SCN2A: variants seen among roughly 807,000 people sequenced by gnomAD.
SCN2A encodes sodium channel protein type 2 subunit alpha.
SCN2A carries 20 observed loss-of-function variants against 188.7 expected under a neutral mutation model. The observed-to-expected ratio is 0.11, with a 90% CI of 0.07 to 0.15. The LOEUF (loss-of-function observed/expected upper bound fraction) is 0.15, where lower values mean the gene tolerates loss of function less well. SCN2A is among the 10% of genes least tolerant of loss of function. The pLI is 1.00. For missense variants in SCN2A, 1,278 were observed against 2,445.0 expected (o/e 0.52, Z 10.07); for synonymous variants, 804 against 833.1 (o/e 0.97, Z 0.60).
At chr2:165,311,540 C>G (rs1003485115) in intron 7 of SCN2A, among the ~76,000 whole-genome samples, 2 of 151,976 alleles carry the variant, frequency 1.3e-5, no homozygotes, top group East Asian at 1.9e-4. Context: ...GGAATAAATA[C>G]CTAATCCCAC....
At chr2:165,282,417 A>C (rs1695620587) in intron 1 of SCN2A, among the ~76,000 whole-genome samples, 1 of 151,906 alleles carries the variant, frequency 6.6e-6, no homozygotes, top group Non-Finnish European at 1.5e-5. Flanking sequence ...AATCAGGGAC[A>C]CTCATATGGC....
intron 1 of SCN2A, among the ~76,000 whole-genome samples, chr2:165,257,591 T>G (rs560502759): frequency 8.5e-5 from 13 of 152,226 alleles, no homozygotes; most frequent in African/African-American, 3.1e-4. Flanking sequence ...CAGGCTGGAG[T>G]GCAGCGGCGC....
At chr2:165,328,462 G>C (rs1181895391) in intron 13 of SCN2A, 29 of 985,552 alleles carry the variant, frequency 2.9e-5, no homozygotes, top group Non-Finnish European at 3.4e-5. Flanking sequence ...ACCACTGAGA[G>C]GAAGCTGCCA....
intron 20 of SCN2A, 22 bp from the exon 21 acceptor site, chr2:165,373,203 T>C: frequency 6.2e-7 from 1 of 1,611,494 alleles, no homozygotes; most frequent in Non-Finnish European, 8.5e-7. Flanking sequence ...AATAAGAAAA[T>C]TGTGTTGCTT....
intron 1 of SCN2A, chr2:165,272,700 G>A (rs183482062): frequency 1.1e-4 from 17 of 151,288 alleles, no homozygotes; most frequent in South Asian, 2.1e-4. Context: ...TATAGAAAAG[G>A]CCCCTTTTTA....
chr2:165,369,978 A>G, intron 19 of SCN2A, 148 bp from the exon 20 acceptor site: 1 of 670,450 alleles, frequency 1.5e-6, no homozygotes, highest in Non-Finnish European at 2.5e-6. Context: ...ATGATCAGAT[A>G]ATGATAAAGT....
intron 26 of SCN2A, 152 bp from the exon 27 acceptor site, chr2:165,388,477 T>G: frequency 9.2e-7 from 1 of 1,088,872 alleles, no homozygotes; most frequent in South Asian, 1.6e-5. Context: ...CATACCAGTT[T>G]CATTTTGCTC....
rs944970048 is a variant in SCN2A, at chr2:165,346,911, A to G, written c.2919+2000A>G. On this transcript the variant is annotated intron_variant, in intron 16 of 26. Transcript: ENST00000375437. ...AATGAGATACCACTTCACGCCAGTTAGAATGGCGATCATTAAAAAGTCAGG... is the reference window on the plus strand; with the variant it reads ...AATGAGATACCACTTCACGCCAGTTGGAATGGCGATCATTAAAAAGTCAGG... 2.6e-5 allele frequency among the ~76,000 whole-genome samples: 4 copies of G among 152,382 alleles called. No homozygotes were observed. In the South Asian group the frequency reaches 8.3e-4, roughly 32 times the overall value.
At chr2:165,278,206 A>G (rs1228842595) in intron 1 of SCN2A, among the ~76,000 whole-genome samples, 2 of 152,330 alleles carry the variant, frequency 1.3e-5, no homozygotes, top group East Asian at 1.9e-4. Flanking sequence ...CCGTGAGCAC[A>G]TTATATTTTG....
intron 11 of SCN2A, among the ~76,000 whole-genome samples, chr2:165,321,409 C>G (rs775062625): frequency 1.3e-5 from 2 of 152,220 alleles, no homozygotes; most frequent in Non-Finnish European, 2.9e-5. Context: ...AAAGCTGCTT[C>G]CACATTTTTG....
chr2:165,317,283 A>G (rs1262156865), intron 11 of SCN2A, among the ~76,000 whole-genome samples: 1 of 151,872 alleles, frequency 6.6e-6, no homozygotes, highest in African/African-American at 2.4e-5. Context: ...ATTAATCAAT[A>G]AATAGGAATC....
chr2:165,387,650 A>T (rs57595782), intron 26 of SCN2A, among the ~76,000 whole-genome samples: 2 of 152,086 alleles, frequency 1.3e-5, no homozygotes, highest in Non-Finnish European at 2.9e-5. Flanking sequence ...TATTGGAAAA[A>T]ATATATATAT....
chr2:165,376,396 A>G (rs928625049), intron 22 of SCN2A, among the ~76,000 whole-genome samples: 1 of 151,978 alleles, frequency 6.6e-6, no homozygotes, highest in Admixed American at 6.6e-5. Flanking sequence ...CTCTATATAG[A>G]TGCACTAAAA....
At chr2:165,351,221 A>G (rs73025916) in intron 16 of SCN2A, among the ~76,000 whole-genome samples, 5,270 of 152,300 alleles carry the variant, frequency 0.035, 291 homozygotes, top group African/African-American at 0.12. Context: ...CATGCTGATG[A>G]AAGTTAGTGT....
chr2:165,333,003 A>G (rs1040426991), intron 14 of SCN2A, among the ~76,000 whole-genome samples: 1 of 151,960 alleles, frequency 6.6e-6, no homozygotes, highest in Non-Finnish European at 1.5e-5. Flanking sequence ...CATGTACAGA[A>G]AGTTTGTGCC....
intron 1 of SCN2A, chr2:165,294,223 G>A: frequency 1.8e-6 from 1 of 556,210 alleles, no homozygotes; most frequent in Non-Finnish European, 2.3e-6. Flanking sequence ...ATCTGCAGAG[G>A]GACCACTTTC....
chr2:165,332,317 G>A (rs186857864), intron 14 of SCN2A, among the ~76,000 whole-genome samples: 2 of 152,092 alleles, frequency 1.3e-5, no homozygotes, highest in Admixed American at 6.6e-5. Context: ...TTTAGGCTCT[G>A]AAGTAACCAC....
At chr2:165,376,504 C>T (rs574299768) in intron 22 of SCN2A, among the ~76,000 whole-genome samples, 33 of 152,098 alleles carry the variant, frequency 2.2e-4, no homozygotes, top group Non-Finnish European at 1.3e-4. Flanking sequence ...CTAGATTCCT[C>T]TTACCATGAT....
rs76682949 is a variant in SCN2A, at chr2:165,248,233, G to A, written c.-52+8593G>A. The stretch of plus-strand genomic sequence containing the variant: ...ACGCCACATCCCTGCTCAAAATTCT[G>A]CAAGTGATATCCAGTTTTCTCAGGG... On this transcript the variant is annotated intron_variant, in intron 1 of 26. Coordinates refer to ENST00000375437, the MANE Select transcript of SCN2A (RefSeq NM_001040142.2). 9.5e-3 allele frequency among the ~76,000 whole-genome samples: 1,447 copies of A among 152,204 alleles called. 23 individuals carry two copies. Among genetic ancestry groups the A allele is most frequent in the African/African-American group, 0.033 (1,371 of 41,546 alleles).
Sources: gnomAD v4.1 joint callset for allele counts (sites outside exome capture counted in the v4.1 genomes callset) on GRCh38, gnomAD v4.1.1 for gene constraint, MANE v1.5 for transcripts, NCBI Gene and HGNC (gene_info 2026-07-23, HGNC 2026-07-21) for gene names.